Variants in CA6 observed in about 807,000 individuals in gnomAD.
The protein encoded by CA6 is carbonic anhydrase 6, also known as carbonate dehydratase VI.
CA6 carries 28 observed loss-of-function variants against 35.9 expected under a neutral mutation model. That is an observed-to-expected ratio of 0.78 (90% CI 0.58 to 1.07). CA6 has a LOEUF of 1.07. Among genes scored for constraint, CA6 ranks in the 50% least tolerant of loss-of-function variants. The pLI, the probability that CA6 is intolerant of heterozygous loss-of-function variation, is 0.00. For missense variants in CA6, 377 were observed against 382.0 expected (o/e 0.99, Z 0.11); for synonymous variants, 148 against 152.6 (o/e 0.97, Z 0.22).
rs1376915631 is a variant in CA6, at chr1:8,947,596, G to T, written c.79+1631G>T. 3.3e-5 allele frequency among the ~76,000 whole-genome samples: 5 copies of T among 152,114 alleles called. No individual in the cohort carries two copies. The East Asian group carries it at 7.7e-4, about 23-fold the overall frequency. On this transcript the variant is annotated intron_variant, in intron 1 of 7. Transcript: ENST00000377443. ...GGTGGTTCAGAGGTGAAGGAAGAGA[G>T]AATTCAGACAATGAAGTCCTTGTCC...
intron 5 of CA6, among the ~76,000 whole-genome samples, chr1:8,962,859 C>A (rs148413156): frequency 3.7e-4 from 57 of 152,208 alleles, no homozygotes; most frequent in Non-Finnish European, 7.6e-4. Context: ...CTCTGAGAAG[C>A]CTGTGCATAA....
chr1:8,946,878 A>C (rs1557617192), intron 1 of CA6, among the ~76,000 whole-genome samples: 1 of 136,026 alleles, frequency 7.4e-6, no homozygotes, highest in Admixed American at 8.6e-5. Flanking sequence ...ATCTCGGCTT[A>C]CTGCAACCTC....
chr1:8,949,538 ACACAGAG>A, intron 2 of CA6, 96 bp downstream of exon 2: 1 of 1,081,686 alleles, frequency 9.2e-7, no homozygotes, highest in South Asian at 1.4e-5. Context: ...TTGCACAGAG[ACACAGAG>A]CACGGCCTCA....
intron 5 of CA6, among the ~76,000 whole-genome samples, chr1:8,966,755 A>C (rs1183352815): frequency 6.6e-6 from 1 of 152,112 alleles, no homozygotes; most frequent in African/African-American, 2.4e-5. Flanking sequence ...TCTTGTGCTG[A>C]GCTCAGGGGC....
chr1:8,969,329 A>C (rs1421577093), intron 6 of CA6, among the ~76,000 whole-genome samples: 3 of 152,162 alleles, frequency 2.0e-5, no homozygotes, highest in Non-Finnish European at 2.9e-5. Flanking sequence ...AAACAAAAAC[A>C]AAAACCCAAT....
chr1:8,958,490 C>A (rs1569688720), intron 3 of CA6, among the ~76,000 whole-genome samples: 1 of 152,170 alleles, frequency 6.6e-6, no homozygotes, highest in Non-Finnish European at 1.5e-5. Context: ...TCTGAGTTAC[C>A]TCTTTTGCCA....
chr1:8,973,267 G>T (rs1569736808), intron 7 of CA6, among the ~76,000 whole-genome samples: 1 of 151,984 alleles, frequency 6.6e-6, no homozygotes, highest in East Asian at 1.9e-4. Flanking sequence ...TGATCCGCCT[G>T]CCCGGCCTCC....
intron 4 of CA6, among the ~76,000 whole-genome samples, chr1:8,960,894 C>G (rs1354189513): frequency 6.6e-6 from 1 of 151,748 alleles, no homozygotes; most frequent in African/African-American, 2.4e-5. Context: ...TGAGGAAAAA[C>G]ATAAATTTAT....
chr1:8,950,525 C>T (rs942769328), intron 2 of CA6, among the ~76,000 whole-genome samples: 3 of 151,956 alleles, frequency 2.0e-5, no homozygotes, highest in Non-Finnish European at 4.4e-5. Flanking sequence ...CACTCTCTCA[C>T]TCCTGCTTGG....
rs527410056 is a variant in CA6, at chr1:8,947,850, C to CTTTTTT, written c.80-1403_80-1398dup. Among the ~76,000 whole-genome samples, 229 of 140,578 alleles carry CTTTTTT rather than the reference C, an allele frequency of 1.6e-3. 9 individuals carry two copies. Among genetic ancestry groups the CTTTTTT allele is most frequent in the African/African-American group, 6.0e-3 (223 of 37,096 alleles). 92.2% of individuals were successfully genotyped at this position (140,578 alleles called of 152,430 possible). On this transcript the variant is annotated intron_variant, in intron 1 of 7. Transcript: ENST00000377443. ...GCGGTGAGGGCCCTAGTACAGACACCTTTTTTTTTTTTTTTGAGAGTTTCA... is the reference window on the plus strand; with the variant it reads ...GCGGTGAGGGCCCTAGTACAGACACCTTTTTTTTTTTTTTTTTTTTTGAGAGTTTCA...
intron 3 of CA6, among the ~76,000 whole-genome samples, chr1:8,958,443 C>T (rs1639749120): frequency 6.6e-6 from 1 of 152,210 alleles, no homozygotes; most frequent in Admixed American, 6.5e-5. Flanking sequence ...GCTGGGATTA[C>T]AGGCATGAGC....
At position 8,957,298 on chromosome 1, in the gene CA6, C is replaced by T; in HGVS notation, c.408+13C>T. 1 of 1,599,306 alleles carries T rather than the reference C, an allele frequency of 6.3e-7. No homozygotes were observed. Among genetic ancestry groups the T allele is most frequent in the Admixed American group, 1.7e-5 (1 of 58,122 alleles). On this transcript the variant is annotated intron_variant, in intron 3 of 7. Coordinates refer to ENST00000377443, the MANE Select transcript of CA6 (RefSeq NM_001215.4). The stretch of plus-strand genomic sequence containing the variant: ...ACATGTGATCGAGGTACCTGAGGAC[C>T]CCCACTGTGTCCTCTTTCCTTTGAA...
At chr1:8,951,596 G>A in intron 2 of CA6, 2 of 765,158 alleles carry the variant, frequency 2.6e-6, no homozygotes, top group African/African-American at 1.7e-5. Flanking sequence ...TCGTGCTGAG[G>A]GCCCAGAAGA....
At chr1:8,961,601 G>A (rs1426218635) in intron 4 of CA6, among the ~76,000 whole-genome samples, 1 of 152,078 alleles carries the variant, frequency 6.6e-6, no homozygotes, top group Non-Finnish European at 1.5e-5. Context: ...CACAAAAGAA[G>A]GCAGTAAAGG....
Position 8,946,803 on chromosome 1 carries a change from TTG to T in CA6, c.79+840_79+841del, listed in dbSNP as rs1471158326. On this transcript the variant is annotated intron_variant, in intron 1 of 7. Coordinates refer to ENST00000377443, the MANE Select transcript of CA6 (RefSeq NM_001215.4). ...GCCAAAATGAGAGGTGTTTTTTTTT[TTG>T]TTTTTTTTTTTTTTTTGAGACAGAG... Among the ~76,000 whole-genome samples the T allele has an allele frequency of 2.1e-4, 26 of 123,278 alleles. No individual in the cohort carries two copies. The East Asian group carries it at 3.0e-3, about 14-fold the overall frequency. 80.9% of individuals were successfully genotyped at this position (123,278 alleles called of 152,430 possible). A position where few individuals can be genotyped will look rare whatever the true frequency, so the allele number is the denominator to read the frequency against.
At chr1:8,960,846 T>C (rs1832262) in intron 4 of CA6, among the ~76,000 whole-genome samples, 95,211 of 147,194 alleles carry the variant, frequency 0.65, 32,314 homozygotes, top group African/African-American at 0.87. Flanking sequence ...AAGAAAAACA[T>C]GAAACAAAAC....
intron 7 of CA6, among the ~76,000 whole-genome samples, chr1:8,973,446 T>C (rs1640159584): frequency 6.6e-6 from 1 of 152,238 alleles, no homozygotes; most frequent in African/African-American, 2.4e-5. Context: ...CTTTTTCCAC[T>C]ACAGCGTCAC....
At chr1:8,953,268 A>C (rs1019990937) in intron 2 of CA6, among the ~76,000 whole-genome samples, 2 of 152,028 alleles carry the variant, frequency 1.3e-5, no homozygotes, top group Non-Finnish European at 1.5e-5. Flanking sequence ...TTATCCATTC[A>C]CCTATCCAAA....
chr1:8,973,712 CTTTCTT>C lies in CA6; in HGVS notation c.845-908_845-903del, dbSNP rs763893634. Among the ~76,000 whole-genome samples, 190 of 71,370 alleles carry C rather than the reference CTTTCTT, an allele frequency of 2.7e-3. 5 individuals carry two copies. Among genetic ancestry groups the C allele is most frequent in the Middle Eastern group, 0.013 (2 of 158 alleles). 46.8% of individuals were successfully genotyped at this position (71,370 alleles called of 152,430 possible). On this transcript the variant is annotated intron_variant, in intron 7 of 7. Transcript: ENST00000377443. ...CAGGCCTGGATTTTTCTTTCTCTCTCTTTCTTTCTTTCTTTCTTTCTTTCTTTCTTT... is the reference window on the plus strand; with the variant it reads ...CAGGCCTGGATTTTTCTTTCTCTCTCTCTTTCTTTCTTTCTTTCTTTCTTT...
Sources: gnomAD v4.1 joint callset for allele counts (sites outside exome capture counted in the v4.1 genomes callset) on GRCh38, gnomAD v4.1.1 for gene constraint, MANE v1.5 for transcripts, NCBI Gene and HGNC (gene_info 2026-07-23, HGNC 2026-07-21) for gene names.